Variants in AGR2 observed in about 807,000 individuals in gnomAD.
AGR2 encodes anterior gradient protein 2 homolog.
AGR2 carries 27 observed loss-of-function variants against 25.9 expected under a neutral mutation model. The ratio of observed to expected loss-of-function variants is 1.04; its 90% CI spans 0.77 to 1.44. The LOEUF is 1.44. Among genes scored for constraint, AGR2 ranks in the 40% most tolerant of loss-of-function variants. The pLI is 0.00. For synonymous variants in AGR2, 78 were observed against 72.0 expected (o/e 1.08, Z -0.42); for missense variants, 182 against 200.9 (o/e 0.91, Z 0.57).
In AGR2 at chr7:16,792,868, C is replaced by T. The variant is rs762996070; in HGVS notation, c.*40G>A. On this transcript the variant is annotated 3_prime_UTR_variant, in exon 8 of 8. Coordinates refer to ENST00000419304, the MANE Select transcript of AGR2 (RefSeq NM_006408.4). ...TCACACTTCTTCTGGTTTCAAGTCT[C>T]AAGGCCTGACAGACAGAAGGGCTTG... The T allele has an allele frequency of 1.3e-6, 2 of 1,576,568 alleles. No individual in the cohort carries two copies. The highest frequency in any genetic ancestry group is 2.2e-5 in the East Asian group (1 of 44,692).
At chr7:16,801,875 C>T (rs1468476588) in intron 1 of AGR2, 72 bp from the exon 2 acceptor site, 4 of 1,399,868 alleles carry the variant, frequency 2.9e-6, no homozygotes, top group Non-Finnish European at 3.9e-6. Context: ...CAGGTTGCCC[C>T]ACAACGGTGG....
chr7:16,801,715 C>T lies in AGR2; in HGVS notation c.82G>A (p.Gly28Arg). Residue 28 changes from glycine to arginine, a missense_variant, in exon 2 of 8, where the codon GGA becomes AGA. By Grantham distance (125) the Gly-to-Arg change is moderately radical (BLOSUM62 -2). Coordinates refer to ENST00000419304, the MANE Select transcript of AGR2 (RefSeq NM_006408.4). Reference protein sequence around the residue: ...TLARDTTVKPGAKKDTKDSRP... With the variant: ...TLARDTTVKPRAKKDTKDSRP... ...GAGTCCTTTGTGTCCTTTTTGGCTCCAGGTTTGACTGTGGTATCTCTGGCC... is the reference window on the plus strand; with the variant it reads ...GAGTCCTTTGTGTCCTTTTTGGCTCTAGGTTTGACTGTGGTATCTCTGGCC... The T allele has an allele frequency of 6.2e-7, 1 of 1,613,560 alleles. No individual in the cohort carries two copies. The highest frequency in any genetic ancestry group is 8.5e-7 in the Non-Finnish European group (1 of 1,179,904).
At chr7:16,804,762 G>A (rs1426999331) in intron 1 of AGR2, among the ~76,000 whole-genome samples, 173 bp downstream of exon 1, 1 of 149,522 alleles carries the variant, frequency 6.7e-6, no homozygotes, top group Non-Finnish European at 1.5e-5. Context: ...GCCAAAGAAA[G>A]GCCCCAGTAA....
intron 6 of AGR2, among the ~76,000 whole-genome samples, chr7:16,797,012 CTTGG>C: frequency 6.6e-6 from 1 of 151,964 alleles, no homozygotes; most frequent in Non-Finnish European, 1.5e-5. Flanking sequence ...ACCTCTGCCT[CTTGG>C]GTTCAAGCAA....
chr7:16,801,750 G>A lies in AGR2; in HGVS notation c.47C>T (p.Ser16Phe). 6.2e-7 allele frequency: 1 copy of A among 1,613,446 alleles called. No homozygotes were observed. Among genetic ancestry groups the A allele is most frequent in the East Asian group, 2.2e-5 (1 of 44,848 alleles). ...TGTGGTATCTCTGGCCAGAGTGTAGGAGAGGGCCACAAGGAGCAAGAATGC... is the reference window on the plus strand; with the variant it reads ...TGTGGTATCTCTGGCCAGAGTGTAGAAGAGGGCCACAAGGAGCAAGAATGC... The part of the protein sequence containing the change: ...VSAFLLLVAL[S>F]YTLARDTTVK... The change falls in exon 2 of 8, where the codon TCC (serine) becomes TTC (phenylalanine). Residue 16 changes from serine (S) to phenylalanine (F), a missense_variant. Ser to Phe is a radical substitution (Grantham distance 155). Coordinates refer to ENST00000419304, the MANE Select transcript of AGR2 (RefSeq NM_006408.4).
intron 1 of AGR2, among the ~76,000 whole-genome samples, chr7:16,804,390 A>G (rs775194256): frequency 6.6e-6 from 1 of 152,092 alleles, no homozygotes; most frequent in African/African-American, 2.4e-5. Flanking sequence ...TAGTGTCCCT[A>G]TTTGTAGATG....
At chr7:16,797,741 TC>T in intron 5 of AGR2, 47 bp from the exon 6 acceptor site, 1 of 1,546,746 alleles carries the variant, frequency 6.5e-7, no homozygotes, top group Non-Finnish European at 8.9e-7. Context: ...GACTTTTCAG[TC>T]GTTTTCAAAC....
At chr7:16,799,076 T>C (rs1342711290) in intron 5 of AGR2, among the ~76,000 whole-genome samples, 2 of 152,112 alleles carry the variant, frequency 1.3e-5, no homozygotes, top group African/African-American at 2.4e-5. Context: ...ATTCATCATG[T>C]CACTCACATT....
rs1008444152 is a variant in AGR2, at chr7:16,792,252, A to G, written c.*656T>C. 1.3e-5 allele frequency: 2 copies of G among 152,252 alleles called. No individual in the cohort carries two copies. Among genetic ancestry groups the G allele is most frequent in the Non-Finnish European group, 2.9e-5 (2 of 68,104 alleles). The allele number at this position is 152,252 out of a possible 1,614,324, so 9.4% of individuals were successfully genotyped here. On this transcript the variant is annotated 3_prime_UTR_variant, in exon 8 of 8. Coordinates refer to ENST00000419304, the MANE Select transcript of AGR2 (RefSeq NM_006408.4). Reference sequence around the variant, plus strand: ...CAGATGTTCTTTGGATGACCTTTCTACTAAATTAGACCTCTGAAGGAGAAA... The same window carrying G: ...CAGATGTTCTTTGGATGACCTTTCTGCTAAATTAGACCTCTGAAGGAGAAA...
At chr7:16,801,278 C>G in intron 3 of AGR2, 42 bp downstream of exon 3, 1 of 1,609,922 alleles carries the variant, frequency 6.2e-7, no homozygotes, top group African/African-American at 1.3e-5. Context: ...AGGTGGTGCT[C>G]TTGAGAGCTT....
At chr7:16,801,605 A>C (rs752892459) in intron 2 of AGR2, 53 bp downstream of exon 2, 1 of 1,610,150 alleles carries the variant, frequency 6.2e-7, no homozygotes, top group Non-Finnish European at 8.5e-7. Context: ...AAGAGAGAGG[A>C]AATCTTTTCC....
rs1220905217 is a variant in AGR2 at position 16,801,796 on chromosome 7, TG to T, written c.-1del. On this transcript the variant is annotated 5_prime_UTR_variant, in exon 2 of 8. Coordinates refer to ENST00000419304, the MANE Select transcript of AGR2 (RefSeq NM_006408.4). ...AATGCTGACACTGGAATTTTCTCCA[TG>T]GCAACTCTAGTATGGAAAACCAACC... is the stretch of plus-strand genomic sequence containing the variant. 13 of 1,608,342 alleles carry T rather than the reference TG, an allele frequency of 8.1e-6. No homozygotes were observed. Among genetic ancestry groups the T allele is most frequent in the Non-Finnish European group, 1.1e-5 (13 of 1,176,072 alleles).
At chr7:16,804,688 T>C (rs1785203969) in intron 1 of AGR2, among the ~76,000 whole-genome samples, 1 of 152,158 alleles carries the variant, frequency 6.6e-6, no homozygotes, top group Admixed American at 6.5e-5. Context: ...TTGGAAATTT[T>C]GTTTCGCAAA....
chr7:16,804,636 G>A (rs2115364318), intron 1 of AGR2, among the ~76,000 whole-genome samples: 1 of 152,218 alleles, frequency 6.6e-6, no homozygotes, highest in East Asian at 1.9e-4. Context: ...AAAATCCCTG[G>A]ACCCTGTCCC....
chr7:16,798,279 T>C (rs903406710), intron 5 of AGR2, among the ~76,000 whole-genome samples: 7 of 152,090 alleles, frequency 4.6e-5, no homozygotes. Context: ...CTTTCTGAAG[T>C]GGATAAGGAG....
At position 16,795,038 on chromosome 7, in the gene AGR2, C is replaced by G; in HGVS notation, c.395-19G>C. ...GATGGGTCTGCAAAGATAAATGAAG[C>G]AAAAGGGAATGGAATGGTTTGTTTT... On this transcript the variant is annotated intron_variant, in intron 6 of 7. Transcript: ENST00000419304. The G allele has an allele frequency of 6.2e-7, 1 of 1,613,188 alleles. No homozygotes were observed. The highest frequency in any genetic ancestry group is 8.5e-7 in the Non-Finnish European group (1 of 1,179,194).
Position 16,801,725 on chromosome 7 carries a change from T to C in AGR2, c.72A>G (p.Thr24=), listed in dbSNP as rs1785148376. Residue 24 remains threonine, a synonymous_variant, in exon 2 of 8, where the codon ACA becomes ACG. Coordinates refer to ENST00000419304, the MANE Select transcript of AGR2 (RefSeq NM_006408.4). ...ALSYTLARDT[T]VKPGAKKDTK... Reference sequence around the variant, plus strand: ...TGTCCTTTTTGGCTCCAGGTTTGACTGTGGTATCTCTGGCCAGAGTGTAGG... The same window carrying C: ...TGTCCTTTTTGGCTCCAGGTTTGACCGTGGTATCTCTGGCCAGAGTGTAGG... 6.2e-7 allele frequency: 1 copy of C among 1,613,796 alleles called. No individual in the cohort carries two copies. The highest frequency in any genetic ancestry group is 8.5e-7 in the Non-Finnish European group (1 of 1,179,968).
At chr7:16,797,603 G>C (rs1258431941) in intron 6 of AGR2, 28 bp downstream of exon 6, 1 of 1,607,968 alleles carries the variant, frequency 6.2e-7, no homozygotes, top group African/African-American at 1.3e-5. Flanking sequence ...ATGTGTTTCC[G>C]AGTTATCTCA....
chr7:16,803,768 A>G (rs991637478), intron 1 of AGR2, among the ~76,000 whole-genome samples: 9 of 152,224 alleles, frequency 5.9e-5, no homozygotes, highest in Admixed American at 5.9e-4. Flanking sequence ...CCCTCTTTGT[A>G]TAAAGACTTC....
Sources: gnomAD v4.1 joint callset for allele counts (sites outside exome capture counted in the v4.1 genomes callset) on GRCh38, gnomAD v4.1.1 for gene constraint, MANE v1.5 for transcripts, NCBI Gene and HGNC (gene_info 2026-07-23, HGNC 2026-07-21) for gene names.